Variants in YTHDC2 observed in about 807,000 individuals in gnomAD.
YTHDC2 encodes the protein 3'-5' RNA helicase YTHDC2.
In YTHDC2, 45 loss-of-function variants were observed where a neutral mutation model predicts 174.9. The observed-to-expected ratio is 0.26, with a 90% CI of 0.20 to 0.33. The LOEUF (loss-of-function observed/expected upper bound fraction) is 0.33, where lower values mean the gene tolerates loss of function less well. Ranked by LOEUF, YTHDC2 falls within the 10% of genes least tolerant of loss-of-function variation. The pLI is 1.00. For synonymous variants in YTHDC2, 657 were observed against 574.5 expected, an observed-to-expected ratio of 1.14 and a Z score of -2.05; for missense variants, 1,650 against 1,723.7, an observed-to-expected ratio of 0.96 and a Z score of 0.76.
At chr5:113,532,756 A>C in intron 4 of YTHDC2, 123 bp from the exon 5 acceptor site, 1 of 823,066 alleles carries the variant, frequency 1.2e-6, no homozygotes. Context: ...AATGTTGTTG[A>C]TTTTATGATT....
intron 4 of YTHDC2, among the ~76,000 whole-genome samples, 180 bp from the exon 5 acceptor site, chr5:113,532,699 G>A (rs1321800630): frequency 2.0e-5 from 3 of 152,116 alleles, no homozygotes; most frequent in Non-Finnish European, 4.4e-5. Context: ...TCTATTGTGA[G>A]CAAGATCTTT....
At chr5:113,538,989 G>C in intron 7 of YTHDC2, 85 bp from the exon 8 acceptor site, 1 of 653,766 alleles carries the variant, frequency 1.5e-6, no homozygotes, top group Middle Eastern at 4.1e-4. Context: ...ATTATACTGA[G>C]ATTCATTAAC....
chr5:113,584,826 G>A (rs1778590509), intron 26 of YTHDC2, among the ~76,000 whole-genome samples: 1 of 142,964 alleles, frequency 7.0e-6, no homozygotes, highest in Admixed American at 7.2e-5. Flanking sequence ...ACCCAGGCTG[G>A]AGTGCTGTGG....
At chr5:113,524,427 A>G (rs1774076438) in intron 2 of YTHDC2, among the ~76,000 whole-genome samples, 1 of 152,114 alleles carries the variant, frequency 6.6e-6, no homozygotes, top group Non-Finnish European at 1.5e-5. Context: ...GCTTTGAAAA[A>G]TATTTTATTA....
chr5:113,550,117 G>GAA (rs5870546), intron 12 of YTHDC2, among the ~76,000 whole-genome samples: 34 of 148,854 alleles, frequency 2.3e-4, no homozygotes, highest in East Asian at 1.4e-3. Context: ...AATTGGGGGA[G>GAA]AAAAAAAAAA....
chr5:113,583,930 C>T (rs1041762635), intron 25 of YTHDC2: 1 of 156,760 alleles, frequency 6.4e-6, no homozygotes, highest in Non-Finnish European at 1.4e-5. Flanking sequence ...CCAGAAAGAC[C>T]CATACTTTAA....
intron 10 of YTHDC2, among the ~76,000 whole-genome samples, chr5:113,545,073 C>T (rs1238212797): frequency 6.6e-6 from 1 of 151,516 alleles, no homozygotes; most frequent in Admixed American, 6.6e-5. Flanking sequence ...TAGATTTGGC[C>T]CGTTGTTTCT....
chr5:113,541,846 A>C (rs955112031), intron 9 of YTHDC2, among the ~76,000 whole-genome samples: 2 of 152,152 alleles, frequency 1.3e-5, no homozygotes, highest in African/African-American at 4.8e-5. Context: ...ATATAAAAAA[A>C]CATATAGTAT....
chr5:113,528,340 A>G (rs553635603), intron 4 of YTHDC2, among the ~76,000 whole-genome samples: 1 of 152,354 alleles, frequency 6.6e-6, no homozygotes, highest in Admixed American at 6.5e-5. Context: ...ATTTTGTCCT[A>G]TTTAAAGAGT....
intron 4 of YTHDC2, among the ~76,000 whole-genome samples, chr5:113,527,049 T>C (rs1212436294): frequency 2.0e-5 from 3 of 152,054 alleles, no homozygotes; most frequent in Non-Finnish European, 4.4e-5. Context: ...TTAAACAGAG[T>C]TGGGAAACTG....
At chr5:113,542,761 T>C (rs375347472) in intron 10 of YTHDC2, among the ~76,000 whole-genome samples, 3 of 152,228 alleles carry the variant, frequency 2.0e-5, no homozygotes, top group South Asian at 2.1e-4. Context: ...ATGACAATTA[T>C]GTGCAAAAAT....
At chr5:113,585,927 A>T (rs182150987) in intron 26 of YTHDC2, among the ~76,000 whole-genome samples, 1 of 151,964 alleles carries the variant, frequency 6.6e-6, no homozygotes, top group African/African-American at 2.4e-5. Context: ...CTTTTTGGCT[A>T]TTATGAATAA....
intron 27 of YTHDC2, among the ~76,000 whole-genome samples, chr5:113,591,737 T>C (rs1779015375): frequency 6.6e-6 from 1 of 152,140 alleles, no homozygotes; most frequent in South Asian, 2.1e-4. Context: ...AATAAAAATA[T>C]GGACTTTGCT....
intron 2 of YTHDC2, among the ~76,000 whole-genome samples, chr5:113,523,763 CCA>C (rs1774031792): frequency 1.3e-5 from 2 of 151,898 alleles, no homozygotes; most frequent in African/African-American, 2.4e-5. Context: ...AGGTTAATCC[CCA>C]GTTTGATATC....
Position 113,548,582 on chromosome 5 carries a change from G to C in YTHDC2, c.1537G>C (p.Val513Leu). Residue 513 changes from valine (V) to leucine (L), a missense_variant, in exon 11 of 30, where the codon GTT (valine) becomes CTT (leucine). This residue lies in a region of YTHDC2 where 411 missense variants were observed against 380.6 expected (regional missense o/e 1.08). Transcript: ENST00000161863. ...TGAAACCAGTGCAACAGCTCTGATG[G>C]TTGCTGCAGGACGTGGCTTTGCAAG... ...HSETSATALM[V>L]AAGRGFASQV... The C allele has an allele frequency of 6.2e-7, 1 of 1,613,218 alleles. No homozygotes were observed. Among genetic ancestry groups the C allele is most frequent in the Non-Finnish European group, 8.5e-7 (1 of 1,179,588 alleles).
intron 23 of YTHDC2, among the ~76,000 whole-genome samples, chr5:113,570,063 C>G (rs918560520): frequency 2.0e-5 from 3 of 151,920 alleles, no homozygotes; most frequent in African/African-American, 7.3e-5. Flanking sequence ...CCCTTATTAG[C>G]TGTATTCCTA....
At chr5:113,539,614 A>G (rs1056976575) in intron 8 of YTHDC2, among the ~76,000 whole-genome samples, 2 of 152,214 alleles carry the variant, frequency 1.3e-5, no homozygotes, top group African/African-American at 4.8e-5. Flanking sequence ...GATACTTTGA[A>G]TTTAGCATTA....
intron 4 of YTHDC2, 96 bp from the exon 5 acceptor site, chr5:113,532,783 T>C (rs1774763521): frequency 2.7e-6 from 3 of 1,131,974 alleles, no homozygotes; most frequent in Non-Finnish European, 3.7e-6. Flanking sequence ...GGACTTGTTA[T>C]AGAACTTCAA....
intron 12 of YTHDC2, 65 bp from the exon 13 acceptor site, chr5:113,553,116 A>AG (rs1776361551): frequency 7.3e-7 from 1 of 1,363,190 alleles, no homozygotes; most frequent in Non-Finnish European, 9.5e-7. Flanking sequence ...GGAAATTTGA[A>AG]GGACATAAGG....
Sources: gnomAD v4.1 joint callset for allele counts (sites outside exome capture counted in the v4.1 genomes callset) on GRCh38, gnomAD v4.1.1 for gene constraint, gnomAD v4.1.1 regional missense constraint, MANE v1.5 for transcripts, NCBI Gene and HGNC (gene_info 2026-07-23, HGNC 2026-07-21) for gene names.